The following PIGL variants were observed in gnomAD, a reference collection of about 807,000 sequenced individuals.
The protein encoded by PIGL is N-acetylglucosaminyl-phosphatidylinositol de-N-acetylase.
PIGL carries 22 observed loss-of-function variants against 31.1 expected under a neutral mutation model. The observed-to-expected ratio is 0.71, with a 90% CI of 0.51 to 1.01. The LOEUF (loss-of-function observed/expected upper bound fraction) is 1.01. PIGL is among the 50% of genes least tolerant of loss of function. The probability of loss-of-function intolerance (pLI) is 0.00; values close to 1 mark genes in which losing one functional copy is unlikely to be tolerated. For missense variants in PIGL, 302 were observed against 315.9 expected (o/e 0.96, Z 0.33); for synonymous variants, 131 against 117.4 (o/e 1.12, Z -0.75).
At chr17:16,251,829 T>G (rs956470558) in intron 2 of PIGL, among the ~76,000 whole-genome samples, 1 of 152,002 alleles carries the variant, frequency 6.6e-6, no homozygotes, top group African/African-American at 2.4e-5. Flanking sequence ...TGCTGTTGCA[T>G]TTGTGGACAG....
chr17:16,325,332 CAAAAAAAA>C (rs55958956), intron 6 of PIGL, among the ~76,000 whole-genome samples: 6 of 69,280 alleles, frequency 8.7e-5, no homozygotes, highest in African/African-American at 2.3e-4. Context: ...GCAACAGGCT[CAAAAAAAA>C]AAAAAAAAAA....
chr17:16,312,947 G>A (rs2093061576), intron 3 of PIGL: 1 of 151,678 alleles, frequency 6.6e-6, no homozygotes, highest in South Asian at 2.1e-4. Context: ...GAGAGGGAGA[G>A]GGAGAGGGAG....
intron 2 of PIGL, among the ~76,000 whole-genome samples, chr17:16,261,601 A>T (rs1266824200): frequency 6.6e-6 from 1 of 152,054 alleles, no homozygotes; most frequent in Non-Finnish European, 1.5e-5. Context: ...AGTGGTTCAC[A>T]CCTGTAATCC....
intron 2 of PIGL, among the ~76,000 whole-genome samples, chr17:16,294,191 C>A (rs1363755841): frequency 6.6e-6 from 1 of 152,096 alleles, no homozygotes; most frequent in African/African-American, 2.4e-5. Context: ...TCAGGTGCAT[C>A]CCAGAATTAT....
intron 3 of PIGL, among the ~76,000 whole-genome samples, chr17:16,307,523 C>T (rs923186724): frequency 1.3e-5 from 2 of 152,206 alleles, no homozygotes; most frequent in Non-Finnish European, 2.9e-5. Context: ...AAGGAAACCA[C>T]ATTTAAAAAT....
At chr17:16,251,146 C>T (rs1231298278) in intron 2 of PIGL, among the ~76,000 whole-genome samples, 1 of 152,132 alleles carries the variant, frequency 6.6e-6, no homozygotes, top group Admixed American at 6.6e-5. Context: ...GAAAGACGAG[C>T]TGGGCACGGT....
intron 3 of PIGL, chr17:16,312,674 C>G (rs936711059): frequency 1.7e-5 from 3 of 178,954 alleles, no homozygotes; most frequent in African/African-American, 2.4e-5. Context: ...ATCCCGGCAC[C>G]TTGGGAGGCC....
chr17:16,256,885 C>T (rs2092796063), intron 2 of PIGL, among the ~76,000 whole-genome samples: 1 of 151,120 alleles, frequency 6.6e-6, no homozygotes, highest in Non-Finnish European at 1.5e-5. Flanking sequence ...ATGAGTTTTG[C>T]CATGTTGCCT....
chr17:16,310,679 G>A (rs545093476), intron 3 of PIGL, among the ~76,000 whole-genome samples: 1 of 152,252 alleles, frequency 6.6e-6, no homozygotes, highest in South Asian at 2.1e-4. Context: ...TGGGATTACA[G>A]GTGCCCACCA....
At chr17:16,296,836 C>A (rs1456684703) in intron 2 of PIGL, among the ~76,000 whole-genome samples, 1 of 151,842 alleles carries the variant, frequency 6.6e-6, no homozygotes, top group African/African-American at 2.4e-5. Flanking sequence ...CCTGCCTCAG[C>A]CTCCCAAGTA....
At chr17:16,284,859 G>A (rs568030620) in intron 2 of PIGL, among the ~76,000 whole-genome samples, 5 of 152,240 alleles carry the variant, frequency 3.3e-5, no homozygotes, top group South Asian at 4.1e-4. Context: ...AATTACAGCC[G>A]GCTCTGCATG....
chr17:16,268,387 A>G (rs554517371), intron 2 of PIGL, among the ~76,000 whole-genome samples: 22 of 152,266 alleles, frequency 1.4e-4, no homozygotes, highest in African/African-American at 5.3e-4. Context: ...TAAGTGAAAC[A>G]TTACTAGCAG....
chr17:16,312,919 G>C, intron 3 of PIGL: 3 of 120,022 alleles, frequency 2.5e-5, no homozygotes, highest in African/African-American at 9.8e-5. Context: ...TGGAAAGAGG[G>C]GAGGGGGAAG....
intron 1 of PIGL, among the ~76,000 whole-genome samples, chr17:16,224,967 T>C (rs895697598): frequency 6.6e-6 from 1 of 152,208 alleles, no homozygotes. Flanking sequence ...TTGCTGGCAT[T>C]TTTATTGGAA....
intron 3 of PIGL, among the ~76,000 whole-genome samples, chr17:16,310,637 G>A (rs1431529739): frequency 6.6e-6 from 1 of 152,164 alleles, no homozygotes; most frequent in Middle Eastern, 3.4e-3. Flanking sequence ...CCTGGGTTCA[G>A]GCGATTCTCC....
At chr17:16,247,850 A>G (rs952952874) in intron 2 of PIGL, among the ~76,000 whole-genome samples, 8 of 151,710 alleles carry the variant, frequency 5.3e-5, no homozygotes, top group Admixed American at 3.3e-4. Flanking sequence ...ATGGTTGTTC[A>G]GTCACACCAG....
In PIGL at chr17:16,254,094, C is replaced by G. The variant is rs2092783587; in HGVS notation, c.335+20024C>G. Among the ~76,000 whole-genome samples the G allele has an allele frequency of 2.6e-5, 4 of 152,100 alleles. No homozygotes were observed. In the South Asian group the frequency reaches 8.3e-4, roughly 32 times the overall value. On this transcript the variant is annotated intron_variant, in intron 2 of 6. Transcript: ENST00000225609. ...GCTAGTCCCTCCTCTAACACACTTC[C>G]ACATTTTCCAACGCCCTTCATCTTG... is the stretch of plus-strand genomic sequence containing the variant.
intron 2 of PIGL, among the ~76,000 whole-genome samples, chr17:16,293,679 T>C (rs1040420967): frequency 1.3e-5 from 2 of 152,224 alleles, no homozygotes; most frequent in African/African-American, 2.4e-5. Context: ...CTTCCTTGCA[T>C]AGGGTAGAAG....
chr17:16,306,522 C>CTTTTTTTTTTTTTT (rs34479966), intron 3 of PIGL, among the ~76,000 whole-genome samples: 10 of 113,672 alleles, frequency 8.8e-5, no homozygotes, highest in African/African-American at 9.7e-5. Context: ...GTTATACGAT[C>CTTTTTTTTTTTTTT]TTTTTTTTTT....
Sources: gnomAD v4.1 joint callset for allele counts (sites outside exome capture counted in the v4.1 genomes callset) on GRCh38, gnomAD v4.1.1 for gene constraint, MANE v1.5 for transcripts, NCBI Gene and HGNC (gene_info 2026-07-23, HGNC 2026-07-21) for gene names.